The following EBF2 variants were observed in gnomAD, a reference collection of about 807,000 sequenced individuals.
The protein encoded by EBF2 is transcription factor COE2.
EBF2 carries 21 observed loss-of-function variants against 72.8 expected under a neutral mutation model. The observed-to-expected ratio is 0.29, with a 90% CI of 0.20 to 0.42. EBF2 has a LOEUF of 0.42. Ranked by LOEUF, EBF2 falls within the 10% of genes least tolerant of loss-of-function variation. The pLI is 1.00. For synonymous variants in EBF2, 299 were observed against 274.2 expected, an observed-to-expected ratio of 1.09 and a Z score of -0.89; for missense variants, 637 against 731.2, an observed-to-expected ratio of 0.87 and a Z score of 1.49.
chr8:25,849,010 G>A (rs964462875), intron 15 of EBF2, among the ~76,000 whole-genome samples: 24 of 152,168 alleles, frequency 1.6e-4, no homozygotes, highest in African/African-American at 5.3e-4. Flanking sequence ...GGATGGGATG[G>A]AAACCACTGG....
intron 13 of EBF2, among the ~76,000 whole-genome samples, chr8:25,860,206 A>T (rs1802187595): frequency 6.6e-6 from 1 of 152,162 alleles, no homozygotes. Context: ...ATGTCTTTAC[A>T]CGGTCTGCTT....
intron 6 of EBF2, among the ~76,000 whole-genome samples, chr8:25,952,022 C>T (rs537979587): frequency 6.6e-6 from 1 of 152,340 alleles, no homozygotes; most frequent in Admixed American, 6.5e-5. Context: ...ACCAGGTACA[C>T]TGGCTCACAC....
intron 14 of EBF2, among the ~76,000 whole-genome samples, chr8:25,854,762 T>C (rs1802051086): frequency 6.6e-6 from 1 of 152,200 alleles, no homozygotes; most frequent in South Asian, 2.1e-4. Flanking sequence ...TTATACATTC[T>C]ACATTTTCTG....
chr8:25,844,736 T>A, intron 15 of EBF2, 96 bp from the exon 16 acceptor site: 2 of 1,477,036 alleles, frequency 1.4e-6, no homozygotes, highest in Non-Finnish European at 1.9e-6. Flanking sequence ...AATGATAGAG[T>A]CTGATGCTAT....
intron 6 of EBF2, among the ~76,000 whole-genome samples, chr8:25,961,690 A>G (rs1240589915): frequency 6.6e-6 from 1 of 152,192 alleles, no homozygotes; most frequent in Non-Finnish European, 1.5e-5. Flanking sequence ...AAAAAATCAA[A>G]TAATCACCAA....
Position 25,844,381 on chromosome 8 carries a change from C to T in EBF2, c.*228G>A, listed in dbSNP as rs1266847358. 3.9e-6 allele frequency: 2 copies of T among 516,806 alleles called. No individual in the cohort carries two copies. The highest frequency in any genetic ancestry group is 2.9e-5 in the South Asian group (1 of 35,084). The allele number at this position is 516,806 out of a possible 1,614,324, so 32.0% of individuals were successfully genotyped here. ...GCATTTCTGCTCTTAGCACTGACTA[C>T]GTCAATGACATCTTTTGTCCTTGTC... On this transcript the variant is annotated 3_prime_UTR_variant, in exon 16 of 16. Transcript: ENST00000520164.
intron 10 of EBF2, among the ~76,000 whole-genome samples, chr8:25,871,178 A>C (rs1802434110): frequency 6.6e-6 from 1 of 151,494 alleles, no homozygotes; most frequent in Non-Finnish European, 1.5e-5. Context: ...CCCCCTCCCT[A>C]CTTCCCTGGG....
intron 6 of EBF2, among the ~76,000 whole-genome samples, chr8:25,964,213 T>C (rs1411823754): frequency 5.3e-5 from 8 of 149,802 alleles, no homozygotes; most frequent in Non-Finnish European, 1.2e-4. Context: ...TGGATAGGAA[T>C]GACGAGAGCT....
chr8:25,999,502 A>G (rs1804687138), intron 6 of EBF2, among the ~76,000 whole-genome samples: 1 of 151,516 alleles, frequency 6.6e-6, no homozygotes, highest in Non-Finnish European at 1.5e-5. Flanking sequence ...TTTTTCCTAT[A>G]CTCATTTTCC....
intron 6 of EBF2, among the ~76,000 whole-genome samples, chr8:25,957,164 G>A (rs1803962205): frequency 6.6e-6 from 1 of 152,174 alleles, no homozygotes; most frequent in African/African-American, 2.4e-5. Flanking sequence ...CCAGCCTCGA[G>A]ACACCTCAGC....
chr8:26,005,921 A>C (rs1804873840), intron 6 of EBF2, among the ~76,000 whole-genome samples: 1 of 151,886 alleles, frequency 6.6e-6, no homozygotes, highest in Non-Finnish European at 1.5e-5. Flanking sequence ...AAGTAGCCGC[A>C]GTTTAATTTG....
At chr8:25,934,142 G>C (rs1803532668) in intron 6 of EBF2, among the ~76,000 whole-genome samples, 1 of 151,748 alleles carries the variant, frequency 6.6e-6, no homozygotes, top group Non-Finnish European at 1.5e-5. Flanking sequence ...CCCTTTGAGG[G>C]AAAAAGAATG....
intron 6 of EBF2, among the ~76,000 whole-genome samples, chr8:25,977,242 A>G (rs955842086): frequency 8.5e-5 from 13 of 152,062 alleles, no homozygotes; most frequent in African/African-American, 2.7e-4. Flanking sequence ...CTGTCCCCTT[A>G]ATACGTGCAC....
chr8:25,935,550 G>A (rs1220233562), intron 6 of EBF2, among the ~76,000 whole-genome samples: 1 of 152,150 alleles, frequency 6.6e-6, no homozygotes, highest in Non-Finnish European at 1.5e-5. Context: ...CCAGTGTGTA[G>A]GGATTCCACC....
chr8:26,023,010 A>G (rs1228453826), intron 6 of EBF2, among the ~76,000 whole-genome samples: 1 of 152,238 alleles, frequency 6.6e-6, no homozygotes, highest in Non-Finnish European at 1.5e-5. Context: ...CCTAGTGGGT[A>G]GAATCCTAAA....
chr8:26,005,478 T>TAAAATATATA lies in EBF2; in HGVS notation c.551+27606_551+27607insTATATATTTT, dbSNP rs370941697. ...TTATATATTATAAAATATAATATTATTTATAAAATATATATTATAAAATAT... is the reference window on the plus strand; with the variant it reads ...TTATATATTATAAAATATAATATTATAAAATATATATTATAAAATATATATTATAAAATAT... On this transcript the variant is annotated intron_variant, in intron 6 of 15. Transcript: ENST00000520164. 0.022 allele frequency among the ~76,000 whole-genome samples: 147 copies of TAAAATATATA among 6,604 alleles called. 9 individuals carry two copies. The East Asian group carries it at 0.42, about 19-fold the overall frequency. The allele number at this position is 6,604 out of a possible 152,430, so 4.3% of individuals were successfully genotyped here.
At chr8:25,993,066 C>T (rs1302156484) in intron 6 of EBF2, among the ~76,000 whole-genome samples, 2 of 152,080 alleles carry the variant, frequency 1.3e-5, no homozygotes, top group African/African-American at 2.4e-5. Flanking sequence ...AAAGTCCCTA[C>T]GGACACCAAA....
intron 6 of EBF2, among the ~76,000 whole-genome samples, chr8:25,982,459 C>A (rs1172381622): frequency 2.0e-5 from 3 of 152,200 alleles, no homozygotes; most frequent in African/African-American, 7.2e-5. Flanking sequence ...GCCCCTTGAA[C>A]CTCCACCAAA....
intron 6 of EBF2, among the ~76,000 whole-genome samples, chr8:25,930,909 A>G (rs752955413): frequency 1.3e-5 from 2 of 152,176 alleles, no homozygotes; most frequent in African/African-American, 4.8e-5. Flanking sequence ...ATCCCCCTCT[A>G]TCACTGAGTA....
Sources: gnomAD v4.1 joint callset for allele counts (sites outside exome capture counted in the v4.1 genomes callset) on GRCh38, gnomAD v4.1.1 for gene constraint, MANE v1.5 for transcripts, NCBI Gene and HGNC (gene_info 2026-07-23, HGNC 2026-07-21) for gene names.